RAPGEF4: variants seen among roughly 807,000 people sequenced by gnomAD.
RAPGEF4 encodes RAP guanine-nucleotide-exchange factor (GEF) 4.
RAPGEF4 carries 66 observed loss-of-function variants against 147.9 expected under a neutral mutation model. That is an observed-to-expected ratio of 0.45 (90% CI 0.37 to 0.55). RAPGEF4 has a LOEUF of 0.55. Among genes scored for constraint, RAPGEF4 ranks in the 20% least tolerant of loss-of-function variants. The pLI is 0.00. For missense variants in RAPGEF4, 1,071 were observed against 1,257.3 expected (o/e 0.85, Z 2.24); for synonymous variants, 419 against 442.7 (o/e 0.95, Z 0.67).
chr2:172,765,136 A>G (rs988527268), intron 1 of RAPGEF4, among the ~76,000 whole-genome samples: 20 of 152,232 alleles, frequency 1.3e-4, no homozygotes, highest in Admixed American at 1.1e-3. Context: ...CATCACTCCA[A>G]TTGCTGCCTC....
Position 173,014,630 on chromosome 2 carries a change from C to G in RAPGEF4, c.1809+16C>G. The G allele has an allele frequency of 6.2e-7, 1 of 1,610,166 alleles. No homozygotes were observed. Among genetic ancestry groups the G allele is most frequent in the South Asian group, 1.1e-5 (1 of 90,524 alleles). ...CTTCCTGGAGGTAGGCAGGGGTCAT[C>G]TCTTCCAAGAATATACTGTTGTCCT... On this transcript the variant is annotated intron_variant, in intron 18 of 30. Coordinates refer to ENST00000397081, the MANE Select transcript of RAPGEF4 (RefSeq NM_007023.4).
intron 4 of RAPGEF4, among the ~76,000 whole-genome samples, chr2:172,906,743 G>A (rs72908274): frequency 0.016 from 2,385 of 152,332 alleles, 25 homozygotes; most frequent in South Asian, 0.037. Context: ...GTGCCAGGAA[G>A]GCCCTGACCT....
chr2:172,814,926 A>C (rs1185468598), intron 4 of RAPGEF4, among the ~76,000 whole-genome samples: 1 of 152,240 alleles, frequency 6.6e-6, no homozygotes, highest in Non-Finnish European at 1.5e-5. Context: ...TTCAAAATGC[A>C]TAGGTGGCAC....
chr2:172,967,343 T>C lies in RAPGEF4; in HGVS notation c.903T>C (p.Thr301=), dbSNP rs777681189. 2 of 1,612,104 alleles carry C rather than the reference T, an allele frequency of 1.2e-6. No individual in the cohort carries two copies. The highest frequency in any genetic ancestry group is 1.1e-5 in the South Asian group (1 of 90,942). ...DDEHEDAPLP[T]EEEKKECDEE... is the part of the protein sequence containing the mutation. ...AGCACGAGGATGCCCCTTTGCCTAC[T>C]GAGGAGGAGAAGAAGGAGTGTGATG... The change falls in exon 10 of 31, where the codon ACT becomes ACC. Residue 301 remains threonine (T), a synonymous_variant. Coordinates refer to ENST00000397081, the MANE Select transcript of RAPGEF4 (RefSeq NM_007023.4).
intron 3 of RAPGEF4, among the ~76,000 whole-genome samples, chr2:172,804,794 A>G (rs1283363326): frequency 6.6e-6 from 1 of 152,210 alleles, no homozygotes; most frequent in Non-Finnish European, 1.5e-5. Context: ...AAAAAAAGTC[A>G]TGATTCTACA....
At chr2:172,799,254 T>G (rs143978785) in intron 3 of RAPGEF4, among the ~76,000 whole-genome samples, 15 of 152,330 alleles carry the variant, frequency 9.8e-5, no homozygotes, top group African/African-American at 3.4e-4. Flanking sequence ...GTCGTATTAC[T>G]GTTCTCATTT....
intron 29 of RAPGEF4, among the ~76,000 whole-genome samples, chr2:173,041,395 T>A (rs922898936): frequency 6.6e-6 from 1 of 152,178 alleles, no homozygotes; most frequent in Non-Finnish European, 1.5e-5. Context: ...CCAGGCTAAA[T>A]GCAGATTTCC....
intron 4 of RAPGEF4, chr2:172,821,850 A>G (rs1689100746): frequency 2.6e-6 from 4 of 1,536,242 alleles, no homozygotes; most frequent in Non-Finnish European, 3.5e-6. Context: ...AGAGCCACTC[A>G]GTAGTAGACA....
intron 1 of RAPGEF4, among the ~76,000 whole-genome samples, chr2:172,765,894 A>C (rs1322652077): frequency 1.3e-5 from 2 of 152,100 alleles, no homozygotes; most frequent in Non-Finnish European, 2.9e-5. Context: ...GTATCTTTAG[A>C]CTTTGGGTTC....
At chr2:172,935,443 CAGA>C (rs1686460173) in intron 6 of RAPGEF4, among the ~76,000 whole-genome samples, 1 of 152,054 alleles carries the variant, frequency 6.6e-6, no homozygotes, top group Non-Finnish European at 1.5e-5. Flanking sequence ...GGTCTGTGCC[CAGA>C]AGGAGGAGGA....
At position 172,990,797 on chromosome 2, in the gene RAPGEF4, T is replaced by C. The variant is rs766989395; in HGVS notation, c.1375-13T>C. On this transcript the variant is annotated splice_polypyrimidine_tract_variant and intron_variant, in intron 14 of 30. Transcript: ENST00000397081. ...GCGGCAGCATCTGTATGTGGTGTAA[T>C]TTGTATTTGCAGGACGTGGAGGCGA... The C allele has an allele frequency of 1.9e-6, 3 of 1,601,008 alleles. No individual in the cohort carries two copies. Among genetic ancestry groups the C allele is most frequent in the Non-Finnish European group, 2.6e-6 (3 of 1,168,850 alleles).
intron 4 of RAPGEF4, among the ~76,000 whole-genome samples, chr2:172,818,932 A>C (rs1438679009): frequency 6.6e-6 from 1 of 152,182 alleles, no homozygotes; most frequent in African/African-American, 2.4e-5. Flanking sequence ...TATATTGTCT[A>C]TTCTGCTGTA....
At position 172,899,356 on chromosome 2, in the gene RAPGEF4, A is replaced by T. The variant is rs1207887247; in HGVS notation, c.445-18446A>T. 3.3e-5 allele frequency among the ~76,000 whole-genome samples: 5 copies of T among 152,236 alleles called. No individual in the cohort carries two copies. The East Asian group carries it at 9.6e-4, about 29-fold the overall frequency. The stretch of plus-strand genomic sequence containing the variant: ...AATCTGTTTTAGTGCATGACCAAAG[A>T]TTAATCCGCATAGGAAAGTGTTTGC... On this transcript the variant is annotated intron_variant, in intron 4 of 30. Coordinates refer to ENST00000397081, the MANE Select transcript of RAPGEF4 (RefSeq NM_007023.4).
In RAPGEF4 at chr2:172,735,914, G is replaced by C; in HGVS notation, c.-70G>C. 1 of 1,314,644 alleles carries C rather than the reference G, an allele frequency of 7.6e-7. No individual in the cohort carries two copies. Among genetic ancestry groups the C allele is most frequent in the Non-Finnish European group, 9.9e-7 (1 of 1,012,650 alleles). 81.4% of individuals were successfully genotyped at this position (1,314,644 alleles called of 1,614,324 possible). On this transcript the variant is annotated 5_prime_UTR_variant, in exon 1 of 31. Coordinates refer to ENST00000397081, the MANE Select transcript of RAPGEF4 (RefSeq NM_007023.4). ...GGGGTCCGCGCGGCGGACGAGGCGG[G>C]GGCGGAGGCGCAGGCAGAGCGAGCG...
chr2:172,799,768 A>G (rs1477523178), intron 3 of RAPGEF4, among the ~76,000 whole-genome samples: 1 of 152,164 alleles, frequency 6.6e-6, no homozygotes, highest in Non-Finnish European at 1.5e-5. Flanking sequence ...AAGAAGAGGA[A>G]ATCTCGAGAA....
intron 6 of RAPGEF4, among the ~76,000 whole-genome samples, chr2:172,949,070 T>C (rs1167724215): frequency 6.6e-6 from 1 of 152,158 alleles, no homozygotes; most frequent in Non-Finnish European, 1.5e-5. Flanking sequence ...GTAAAATAGT[T>C]CACAAATTAA....
intron 4 of RAPGEF4, among the ~76,000 whole-genome samples, chr2:172,896,245 A>G (rs1172284205): frequency 2.0e-4 from 31 of 152,236 alleles, no homozygotes; most frequent in Admixed American, 2.0e-3. Flanking sequence ...GAATAAAATT[A>G]CCCAGTGAAT....
intron 5 of RAPGEF4, 163 bp downstream of exon 5, chr2:172,918,037 A>G: frequency 1.3e-6 from 1 of 764,830 alleles, no homozygotes; most frequent in Non-Finnish European, 2.4e-6. Flanking sequence ...TTTTAAAGAA[A>G]TGGTTAATAT....
intron 16 of RAPGEF4, among the ~76,000 whole-genome samples, chr2:173,000,350 C>T (rs115778515): frequency 0.016 from 2,478 of 152,266 alleles, 73 homozygotes; most frequent in African/African-American, 0.056. Context: ...TTAAAATGTA[C>T]GTATTTCTCA....
Sources: gnomAD v4.1 joint callset for allele counts (sites outside exome capture counted in the v4.1 genomes callset) on GRCh38, gnomAD v4.1.1 for gene constraint, MANE v1.5 for transcripts, NCBI Gene and HGNC (gene_info 2026-07-23, HGNC 2026-07-21) for gene names.